PRDM6: variants seen among roughly 807,000 people sequenced by gnomAD.
PRDM6 encodes PR/SET domain 6.
PRDM6 carries 25 observed loss-of-function variants against 60.8 expected under a neutral mutation model. The observed-to-expected ratio is 0.41, with a 90% CI of 0.30 to 0.57. The LOEUF is 0.57. PRDM6 is among the 20% of genes least tolerant of loss of function. The pLI is 0.27. For missense variants in PRDM6, 839 were observed against 821.3 expected (o/e 1.02, Z -0.26); for synonymous variants, 407 against 357.4 (o/e 1.14, Z -1.57).
intron 7 of PRDM6, among the ~76,000 whole-genome samples, chr5:123,181,671 G>A (rs1158670375): frequency 2.0e-5 from 3 of 152,204 alleles, no homozygotes; most frequent in African/African-American, 7.2e-5. Flanking sequence ...GATCAAGCAA[G>A]AGAGGAAATG....
At chr5:123,175,458 A>G (rs1413758049) in intron 6 of PRDM6, among the ~76,000 whole-genome samples, 1 of 152,206 alleles carries the variant, frequency 6.6e-6, no homozygotes, top group Non-Finnish European at 1.5e-5. Context: ...ATAGTTTCTT[A>G]GAATGTATCA....
chr5:123,123,130 T>C (rs1054058825), intron 3 of PRDM6, among the ~76,000 whole-genome samples: 2 of 152,240 alleles, frequency 1.3e-5, no homozygotes, highest in Non-Finnish European at 2.9e-5. Flanking sequence ...TTATATCAGT[T>C]TACACTCCCC....
intron 7 of PRDM6, among the ~76,000 whole-genome samples, chr5:123,185,932 A>G (rs900268773): frequency 1.3e-5 from 2 of 152,254 alleles, no homozygotes; most frequent in Non-Finnish European, 2.9e-5. Context: ...CACAGCTTTC[A>G]TAGTGCAGGG....
intron 5 of PRDM6, among the ~76,000 whole-genome samples, chr5:123,169,008 TGAGGA>T (rs1196735110): frequency 6.6e-6 from 1 of 152,244 alleles, no homozygotes; most frequent in South Asian, 2.1e-4. Flanking sequence ...TGGCACAGCA[TGAGGA>T]GTGCTCCCAG....
At chr5:123,176,682 C>T (rs184509931) in intron 6 of PRDM6, among the ~76,000 whole-genome samples, 8 of 152,308 alleles carry the variant, frequency 5.3e-5, no homozygotes, top group Non-Finnish European at 8.8e-5. Flanking sequence ...CACTGTACTC[C>T]AGCCTGGGCA....
chr5:123,100,499 A>G (rs1299378417), intron 3 of PRDM6, among the ~76,000 whole-genome samples: 2 of 148,696 alleles, frequency 1.3e-5, no homozygotes, highest in Non-Finnish European at 2.9e-5. Context: ...GAGAGATCAC[A>G]TGTTTCACAA....
chr5:123,146,952 G>T (rs1765253264), intron 3 of PRDM6, among the ~76,000 whole-genome samples: 2 of 152,106 alleles, frequency 1.3e-5, no homozygotes, highest in South Asian at 2.1e-4. Flanking sequence ...ATAAATAAAA[G>T]AAGATACAGG....
intron 4 of PRDM6, among the ~76,000 whole-genome samples, chr5:123,156,673 G>T (rs1765507088): frequency 6.6e-6 from 1 of 152,206 alleles, no homozygotes; most frequent in Non-Finnish European, 1.5e-5. Flanking sequence ...CAAAGGCAGG[G>T]TGGAGCCATC....
rs1383783464 is a variant in PRDM6, at chr5:123,172,521, A to T, written c.1496+1413A>T. On this transcript the variant is annotated intron_variant, in intron 6 of 7. Coordinates refer to ENST00000407847, the MANE Select transcript of PRDM6 (RefSeq NM_001136239.4). ...AAAATGTTTTCCTCATTCAGAAAAG[A>T]TATTTTTCAAAATTTGCCTTCCTTG... 4.6e-5 allele frequency among the ~76,000 whole-genome samples: 7 copies of T among 152,324 alleles called. No individual in the cohort carries two copies. The East Asian group carries it at 1.4e-3, about 29-fold the overall frequency.
intron 7 of PRDM6, 89 bp downstream of exon 7, chr5:123,180,412 C>A: frequency 7.5e-7 from 1 of 1,327,732 alleles, no homozygotes; most frequent in Non-Finnish European, 1.0e-6. Context: ...CCTGGCTTAG[C>A]CAGCTGGCAC....
chr5:123,159,523 A>T lies in PRDM6; in HGVS notation c.1038A>T (p.Ile346=). The T allele has an allele frequency of 6.4e-7, 1 of 1,551,294 alleles. No homozygotes were observed. Among genetic ancestry groups the T allele is most frequent in the Non-Finnish European group, 8.7e-7 (1 of 1,146,716 alleles). Reference sequence around the variant, plus strand: ...CTTTTGTTTTGAATAGGTCGAATATATTCTACCGAGCCTGTATAGATATCC... The same window carrying T: ...CTTTTGTTTTGAATAGGTCGAATATTTTCTACCGAGCCTGTATAGATATCC... ...NLTVVQYRSN[I]FYRACIDIPR... is the part of the protein sequence containing the mutation. Residue 346 remains isoleucine, a synonymous_variant, in exon 5 of 8, where the codon ATA becomes ATT. Coordinates refer to ENST00000407847, the MANE Select transcript of PRDM6 (RefSeq NM_001136239.4).
At chr5:123,089,954 T>A (rs1367088580) in intron 1 of PRDM6, 46 bp from the exon 2 acceptor site, 2 of 1,422,172 alleles carry the variant, frequency 1.4e-6, no homozygotes, top group Middle Eastern at 2.0e-4. Context: ...TCCCGGCCCC[T>A]TTCGCCCAGC....
chr5:123,143,463 T>C (rs964659600), intron 3 of PRDM6, among the ~76,000 whole-genome samples: 5 of 152,176 alleles, frequency 3.3e-5, no homozygotes, highest in African/African-American at 9.7e-5. Flanking sequence ...CTTCTTTTCT[T>C]TGGGGTCTGA....
intron 3 of PRDM6, among the ~76,000 whole-genome samples, chr5:123,103,905 A>G (rs925358869): frequency 3.3e-5 from 5 of 152,132 alleles, no homozygotes; most frequent in Admixed American, 6.5e-5. Flanking sequence ...TATCCTGCTA[A>G]TTGAAATAAT....
intron 5 of PRDM6, among the ~76,000 whole-genome samples, chr5:123,160,781 A>T (rs917330316): frequency 3.3e-5 from 5 of 152,226 alleles, no homozygotes; most frequent in Non-Finnish European, 5.9e-5. Flanking sequence ...AAATCTTTGC[A>T]CATACAGTAC....
Position 123,166,170 on chromosome 5 carries a change from A to T in PRDM6, c.1154-4596A>T, listed in dbSNP as rs335210. On this transcript the variant is annotated intron_variant, in intron 5 of 7. Coordinates refer to ENST00000407847, the MANE Select transcript of PRDM6 (RefSeq NM_001136239.4). Reference sequence around the variant, plus strand: ...TCCTCTCAAGCCTCGGCTGCAGCCCATCTCCTCTTCTCTCTCTGGCCACAT... The same window carrying T: ...TCCTCTCAAGCCTCGGCTGCAGCCCTTCTCCTCTTCTCTCTCTGGCCACAT... Among the ~76,000 whole-genome samples, 422 of 151,054 alleles carry T rather than the reference A, an allele frequency of 2.8e-3. 3 individuals carry two copies. Among genetic ancestry groups the T allele is most frequent in the African/African-American group, 9.9e-3 (410 of 41,282 alleles).
intron 2 of PRDM6, among the ~76,000 whole-genome samples, chr5:123,094,596 A>G (rs907722228): frequency 1.3e-5 from 2 of 152,178 alleles, no homozygotes; most frequent in African/African-American, 2.4e-5. Context: ...TGTTTATTCA[A>G]GGTGATAAAA....
chr5:123,125,165 C>T (rs1271855967), intron 3 of PRDM6, among the ~76,000 whole-genome samples: 5 of 146,868 alleles, frequency 3.4e-5, no homozygotes, highest in Non-Finnish European at 6.0e-5. Context: ...CCCCACCCGC[C>T]GGCCCCGCCA....
chr5:123,140,984 A>G (rs1400899439), intron 3 of PRDM6, among the ~76,000 whole-genome samples: 6 of 152,028 alleles, frequency 3.9e-5, no homozygotes, highest in Non-Finnish European at 7.4e-5. Context: ...TATAAAGTCA[A>G]TTATTTTTTA....
Sources: gnomAD v4.1 joint callset for allele counts (sites outside exome capture counted in the v4.1 genomes callset) on GRCh38, gnomAD v4.1.1 for gene constraint, MANE v1.5 for transcripts, NCBI Gene and HGNC (gene_info 2026-07-23, HGNC 2026-07-21) for gene names.